Variants in MTMR4 observed in about 807,000 individuals in gnomAD.
MTMR4 encodes phosphatidylinositol-3,5-bisphosphate 3-phosphatase MTMR4.
In MTMR4, 30 loss-of-function variants were observed where a neutral mutation model predicts 125.5. That is an observed-to-expected ratio of 0.24 (90% confidence interval 0.18 to 0.32). The LOEUF is 0.32. Ranked by LOEUF, MTMR4 falls within the 10% of genes least tolerant of loss-of-function variation. The probability of loss-of-function intolerance (pLI) is 1.00; values close to 1 mark genes in which losing one functional copy is unlikely to be tolerated. For missense variants in MTMR4, 1,039 were observed against 1,511.5 expected, an observed-to-expected ratio of 0.69 and a Z score of 5.18; for synonymous variants, 498 against 564.5, an observed-to-expected ratio of 0.88 and a Z score of 1.67.
chr17:58,494,336 A>G lies in MTMR4; in HGVS notation c.3252+596T>C, dbSNP rs1975395856. 2.6e-5 allele frequency among the ~76,000 whole-genome samples: 4 copies of G among 151,780 alleles called. 1 individual carries two copies. The highest frequency in any genetic ancestry group is 9.7e-5 in the African/African-American group (4 of 41,302). On this transcript the variant is annotated intron_variant, in intron 15 of 17. Transcript: ENST00000682306. ...ACTCCGTCTCAAAAAAAAAAAAAAA[A>G]AAAAATTGTACATTGTTGCAAGAGT... is the stretch of plus-strand genomic sequence containing the variant.
rs1413115562 is a variant in MTMR4, at chr17:58,489,635, T to C, written c.*2028A>G. 3 of 152,220 alleles carry C rather than the reference T, an allele frequency of 2.0e-5. No homozygotes were observed. The highest frequency in any genetic ancestry group is 2.9e-5 in the Non-Finnish European group (2 of 68,038). 9.4% of individuals were successfully genotyped at this position (152,220 alleles called of 1,614,324 possible). ...ACAGTTTGGATTTTTGGCCACATCATGTCACTTACACCCACAACAGCTCTG... is the reference window on the plus strand; with the variant it reads ...ACAGTTTGGATTTTTGGCCACATCACGTCACTTACACCCACAACAGCTCTG... On this transcript the variant is annotated 3_prime_UTR_variant, in exon 18 of 18. Transcript: ENST00000682306.
chr17:58,504,727 C>T lies in MTMR4; in HGVS notation c.1341+52G>A. ...AGGACAGATCCAGAGGGCTCAACAC[C>T]TTCCCTCCTGCCACATTCCTTCTGG... is the stretch of plus-strand genomic sequence containing the variant. On this transcript the variant is annotated intron_variant, in intron 11 of 17. Transcript: ENST00000682306. This position sits in a 1 kb window ranked among gnomAD's most constrained non-coding sequence, Gnocchi z 7.1. 4 of 1,548,508 alleles carry T rather than the reference C, an allele frequency of 2.6e-6. No homozygotes were observed. The highest frequency in any genetic ancestry group is 2.3e-5 in the East Asian group (1 of 44,234).
chr17:58,511,304 C>T, intron 4 of MTMR4, 125 bp downstream of exon 4: 1 of 909,838 alleles, frequency 1.1e-6, no homozygotes, highest in South Asian at 1.8e-5. Flanking sequence ...ATGGTCTTCA[C>T]CTTTTCTTCC....
chr17:58,500,356 G>T (rs922234776), intron 14 of MTMR4, among the ~76,000 whole-genome samples: 2 of 151,700 alleles, frequency 1.3e-5, no homozygotes, highest in African/African-American at 4.8e-5. Flanking sequence ...CAAACTCCTG[G>T]GCTCAAGCAA....
intron 17 of MTMR4, among the ~76,000 whole-genome samples, chr17:58,492,170 T>A (rs1975331087): frequency 6.6e-6 from 1 of 152,192 alleles, no homozygotes; most frequent in Non-Finnish European, 1.5e-5. Context: ...ACTATTTTTG[T>A]TTTTGTTTTT....
rs775836191 is a variant in MTMR4, at chr17:58,495,910, A to T, written c.2274T>A (p.Thr758=). The T allele has an allele frequency of 6.2e-6, 10 of 1,614,066 alleles. No individual in the cohort carries two copies. The highest frequency in any genetic ancestry group is 7.6e-6 in the Non-Finnish European group (9 of 1,180,038). The change falls in exon 15 of 18, where the codon ACT becomes ACA. Residue 758 remains threonine, a synonymous_variant. Transcript: ENST00000682306. ...DPSAQDELGR[T]LDGIGEPPEH... Reference sequence around the variant, plus strand: ...CAGGTGGCTCCCCTATGCCATCTAAAGTCCTACCCAGCTCATCCTGGGCAG... The same window carrying T: ...CAGGTGGCTCCCCTATGCCATCTAATGTCCTACCCAGCTCATCCTGGGCAG...
chr17:58,518,284 C>T (rs2042048471), upstream of MTMR4, among the ~76,000 whole-genome samples: 1 of 152,194 alleles, frequency 6.6e-6, no homozygotes. Flanking sequence ...ATGCCTAAAG[C>T]CACTTCCGGT....
At chr17:58,497,215 T>C (rs1975493450) in intron 14 of MTMR4, among the ~76,000 whole-genome samples, 1 of 152,232 alleles carries the variant, frequency 6.6e-6, no homozygotes, top group Non-Finnish European at 1.5e-5. Flanking sequence ...CAGTTCAGCC[T>C]ATGCGGAAAA....
chr17:58,512,652 C>T lies in MTMR4; in HGVS notation c.136-146G>A. ...TCTCCACGGTAACAGCACCAGGCAACAGCTGTACAGGAAAGCTGCCTTTCC... is the reference window on the plus strand; with the variant it reads ...TCTCCACGGTAACAGCACCAGGCAATAGCTGTACAGGAAAGCTGCCTTTCC... On this transcript the variant is annotated intron_variant, in intron 2 of 17. Coordinates refer to ENST00000682306, the MANE Select transcript of MTMR4 (RefSeq NM_001378067.1). The surrounding 1 kb of genome is among the most constrained non-coding windows in gnomAD (Gnocchi z 4.1). 1.2e-6 allele frequency: 1 copy of T among 808,860 alleles called. No homozygotes were observed. The highest frequency in any genetic ancestry group is 1.6e-5 in the South Asian group (1 of 63,058). 50.1% of individuals were successfully genotyped at this position (808,860 alleles called of 1,614,324 possible).
At chr17:58,507,703 G>A (rs553593654) in intron 7 of MTMR4, among the ~76,000 whole-genome samples, 20 of 152,278 alleles carry the variant, frequency 1.3e-4, no homozygotes, top group African/African-American at 4.3e-4. Flanking sequence ...AACATTTTCA[G>A]TAAAAAACCA....
Position 58,514,415 on chromosome 17 carries a change from G to C in MTMR4, c.-8C>G. ...GCGGGCGGTCAGGCTCATGGTCGCG[G>C]GCGGTCTGGGCCAGCGCACATGTCC... is the stretch of plus-strand genomic sequence containing the variant. On this transcript the variant is annotated 5_prime_UTR_variant, in exon 1 of 18. Transcript: ENST00000682306. 1.0e-6 allele frequency: 1 copy of C among 986,296 alleles called. No homozygotes were observed. The highest frequency in any genetic ancestry group is 1.2e-6 in the Non-Finnish European group (1 of 830,178). 61.1% of individuals were successfully genotyped at this position (986,296 alleles called of 1,614,324 possible).
Position 58,490,091 on chromosome 17 carries a change from C to G in MTMR4, c.*1572G>C, listed in dbSNP as rs577746907. 1 of 152,532 alleles carries G rather than the reference C, an allele frequency of 6.6e-6. No individual in the cohort carries two copies. Among genetic ancestry groups the G allele is most frequent in the Non-Finnish European group, 1.5e-5 (1 of 68,024 alleles). The allele number at this position is 152,532 out of a possible 1,614,324, so 9.4% of individuals were successfully genotyped here. A position where few individuals can be genotyped will look rare whatever the true frequency, so the allele number is the denominator to read the frequency against. ...GGCAAGTACAAAAGAACCACAGATG[C>G]GTCTCTGTAGGACTGAAAAGGTCAG... On this transcript the variant is annotated 3_prime_UTR_variant, in exon 18 of 18. Coordinates refer to ENST00000682306, the MANE Select transcript of MTMR4 (RefSeq NM_001378067.1).
intron 13 of MTMR4, 73 bp downstream of exon 13, chr17:58,503,977 T>A (rs1211675680): frequency 7.7e-6 from 12 of 1,550,554 alleles, no homozygotes; most frequent in Non-Finnish European, 1.0e-5. Context: ...GACTCTACAT[T>A]TTCCCTACTG....
chr17:58,512,886 G>C lies in MTMR4; in HGVS notation c.101C>G (p.Pro34Arg), dbSNP rs752406126. ...EYIQAKDLFPPKELVKEEENL... is the reference protein window; with the variant it reads ...EYIQAKDLFPRKELVKEEENL... ...CTCTTCCTCCTTCACTAGTTCCTTG[G>C]GGGGGAACAGATCCTTGGCTTGGAT... is the stretch of plus-strand genomic sequence containing the variant. The change falls in exon 2 of 18, where the codon CCC (proline) becomes CGC (arginine). Residue 34 changes from proline (P) to arginine (R), a missense_variant. Physicochemically the swap from Pro to Arg is moderately radical, Grantham distance 103. This residue lies in a region of MTMR4 where 202 missense variants were observed against 311.9 expected (regional missense o/e 0.65). Transcript: ENST00000682306. The surrounding 1 kb of genome is among the most constrained non-coding windows in gnomAD (Gnocchi z 4.1). 2.0e-5 allele frequency: 32 copies of C among 1,612,666 alleles called. No homozygotes were observed. The highest frequency in any genetic ancestry group is 6.7e-5 in the East Asian group (3 of 44,786).
chr17:58,490,780 G>C lies in MTMR4; in HGVS notation c.*883C>G, dbSNP rs936339814. The C allele has an allele frequency of 3.3e-5, 5 of 152,650 alleles. No homozygotes were observed. Among genetic ancestry groups the C allele is most frequent in the Admixed American group, 1.3e-4 (2 of 15,284 alleles). The allele number at this position is 152,650 out of a possible 1,614,324, so 9.5% of individuals were successfully genotyped here. A position where few individuals can be genotyped will look rare whatever the true frequency, so the allele number is the denominator to read the frequency against. On this transcript the variant is annotated 3_prime_UTR_variant, in exon 18 of 18. Coordinates refer to ENST00000682306, the MANE Select transcript of MTMR4 (RefSeq NM_001378067.1). Reference sequence around the variant, plus strand: ...CATGCCAGGAGAGGATCAAGGTGTAGCTCCTGTGTTAGCACCAGGACAACT... The same window carrying C: ...CATGCCAGGAGAGGATCAAGGTGTACCTCCTGTGTTAGCACCAGGACAACT...
chr17:58,511,256 A>T, intron 4 of MTMR4, 173 bp downstream of exon 4: 2 of 564,026 alleles, frequency 3.5e-6, no homozygotes. Context: ...TCAGGTCAAG[A>T]TCCTATGGGT....
rs575701682 is a variant in MTMR4 at position 58,498,949 on chromosome 17, TC to T, written c.1854-2620del. On this transcript the variant is annotated intron_variant, in intron 14 of 17. Coordinates refer to ENST00000682306, the MANE Select transcript of MTMR4 (RefSeq NM_001378067.1). ...TTCTCTACAGTGCTTCTGAATTTAA[TC>T]CTTTCTCTTTGCCAGGGACTCTTCC... Among the ~76,000 whole-genome samples the T allele has an allele frequency of 1.8e-4, 28 of 152,282 alleles. No individual in the cohort carries two copies. In the East Asian group the frequency reaches 5.4e-3, roughly 29 times the overall value.
At chr17:58,503,170 T>A (rs1975685105) in intron 14 of MTMR4, among the ~76,000 whole-genome samples, 1 of 152,094 alleles carries the variant, frequency 6.6e-6, no homozygotes, top group South Asian at 2.1e-4. Flanking sequence ...CCTAAAACAG[T>A]CCTTTCTGTT....
At chr17:58,502,260 C>T (rs149223453) in intron 14 of MTMR4, among the ~76,000 whole-genome samples, 22 of 150,490 alleles carry the variant, frequency 1.5e-4, no homozygotes, top group East Asian at 1.2e-3. Flanking sequence ...CAGATTCAAG[C>T]GATTCTTATG....
Sources: gnomAD v4.1 joint callset for allele counts (sites outside exome capture counted in the v4.1 genomes callset) on GRCh38, gnomAD v4.1.1 for gene constraint, gnomAD v4.1.1 regional missense constraint, Gnocchi (gnomAD v3.1) non-coding constraint, MANE v1.5 for transcripts, NCBI Gene and HGNC (gene_info 2026-07-23, HGNC 2026-07-21) for gene names.